The following NOX5 variants were observed in gnomAD, a reference collection of about 807,000 sequenced individuals.
The protein encoded by NOX5 is NADPH oxidase 5.
In NOX5, 76 loss-of-function variants were observed where a neutral mutation model predicts 85.7. The ratio of observed to expected loss-of-function variants is 0.89; its 90% CI spans 0.74 to 1.07. The LOEUF is 1.07. Ranked by LOEUF, NOX5 falls within the 50% of genes least tolerant of loss-of-function variation. The probability of loss-of-function intolerance (pLI) is 0.00; values close to 1 mark genes in which losing one functional copy is unlikely to be tolerated. For synonymous variants in NOX5, 405 were observed against 401.4 expected, an observed-to-expected ratio of 1.01 and a Z score of -0.11; for missense variants, 973 against 999.5, an observed-to-expected ratio of 0.97 and a Z score of 0.36.
At chr15:69,033,424 G>A (rs1368726931) in intron 5 of NOX5, 147 bp downstream of exon 5, 1 of 856,824 alleles carries the variant, frequency 1.2e-6, no homozygotes, top group Non-Finnish European at 1.8e-6. Flanking sequence ...CTCAGAGTTG[G>A]AGGACGCCGC....
chr15:69,045,555 T>TCTTTCTTTCTTC (rs2050656995), intron 10 of NOX5, among the ~76,000 whole-genome samples: 1 of 142,620 alleles, frequency 7.0e-6, no homozygotes, highest in African/African-American at 2.8e-5. Flanking sequence ...TTTCTTTCTT[T>TCTTTCTTTCTTC]CTTTCTTTCT....
Position 69,035,170 on chromosome 15 carries a change from G to C in NOX5, c.856-184G>C, listed in dbSNP as rs2050494607. On this transcript the variant is annotated intron_variant, in intron 5 of 15. Coordinates refer to ENST00000388866, the MANE Select transcript of NOX5 (RefSeq NM_024505.4). ...TTTCTCTTCCCGCCACAATTCTGGA[G>C]ATCCTCCTCTAGAGACCCCAGGTAT... 2.6e-5 allele frequency among the ~76,000 whole-genome samples: 4 copies of C among 152,218 alleles called. 1 individual carries two copies. The South Asian group carries it at 8.3e-4, about 31-fold the overall frequency.
intron 1 of NOX5, chr15:69,023,283 G>T: frequency 4.1e-6 from 1 of 241,336 alleles, no homozygotes; most frequent in East Asian, 1.4e-4. Flanking sequence ...ACTCTCAGAG[G>T]GTAAGAAAAA....
chr15:69,046,967 C>A, intron 11 of NOX5, 101 bp downstream of exon 11: 2 of 1,242,510 alleles, frequency 1.6e-6, no homozygotes, highest in Non-Finnish European at 2.3e-6. Flanking sequence ...TGTGGGTACT[C>A]AAGCTCCTCA....
chr15:69,041,942 C>T (rs1331636051), intron 9 of NOX5, among the ~76,000 whole-genome samples: 1 of 151,558 alleles, frequency 6.6e-6, no homozygotes, highest in Non-Finnish European at 1.5e-5. Flanking sequence ...CAAGACAATT[C>T]TTGTACTCCC....
intron 4 of NOX5, among the ~76,000 whole-genome samples, chr15:69,032,285 C>T (rs1202854442): frequency 6.6e-6 from 1 of 152,084 alleles, no homozygotes; most frequent in Non-Finnish European, 1.5e-5. Flanking sequence ...AACACACAAA[C>T]TAGAGAAGCA....
intron 4 of NOX5, among the ~76,000 whole-genome samples, chr15:69,032,238 C>G (rs546903478): frequency 2.0e-5 from 3 of 152,266 alleles, no homozygotes; most frequent in South Asian, 4.1e-4. Flanking sequence ...TGCTGGGGCT[C>G]CATTCCAGAC....
intron 12 of NOX5, 38 bp from the exon 13 acceptor site, chr15:69,047,792 C>T (rs371792346): frequency 2.9e-5 from 47 of 1,608,366 alleles, no homozygotes; most frequent in Non-Finnish European, 3.7e-5. Context: ...AAAAGTCTCA[C>T]CCCAAATTTA....
intron 2 of NOX5, 113 bp from the exon 3 acceptor site, chr15:69,028,102 A>T: frequency 6.0e-6 from 7 of 1,166,684 alleles, no homozygotes; most frequent in Non-Finnish European, 8.4e-6. Flanking sequence ...GAATACCGCC[A>T]CTCTGTGGTG....
Position 69,055,885 on chromosome 15 carries a change from CTTTTA to C in NOX5, c.2166+394_2166+398del, listed in dbSNP as rs1483978218. 7.9e-5 allele frequency among the ~76,000 whole-genome samples: 12 copies of C among 152,154 alleles called. No individual in the cohort carries two copies. In the South Asian group the frequency reaches 1.9e-3, roughly 24 times the overall value. On this transcript the variant is annotated intron_variant, in intron 15 of 15. Transcript: ENST00000388866. ...CAGAGACATGAAATCGTTTGCAATC[CTTTTA>C]TTTTATTTCTCAGATTGGTTTTATT...
chr15:69,023,529 G>T (rs898028077), intron 1 of NOX5: 5 of 323,696 alleles, frequency 1.5e-5, no homozygotes, highest in African/African-American at 9.0e-5. Context: ...TGTTTCAGCA[G>T]TGTGTCGGTC....
Position 69,056,773 on chromosome 15 carries a change from G to C in NOX5, c.*77G>C. ...GCATTAGTATAAATGCCCCCACAGG[G>C]ACCAGCCTCAGATGACCCACCCAAT... On this transcript the variant is annotated 3_prime_UTR_variant, in exon 16 of 16. Coordinates refer to ENST00000388866, the MANE Select transcript of NOX5 (RefSeq NM_024505.4). 1 of 1,553,898 alleles carries C rather than the reference G, an allele frequency of 6.4e-7. No individual in the cohort carries two copies. Among genetic ancestry groups the C allele is most frequent in the Non-Finnish European group, 8.7e-7 (1 of 1,150,440 alleles).
intron 4 of NOX5, 100 bp downstream of exon 4, chr15:69,031,912 C>T: frequency 3.3e-6 from 4 of 1,222,178 alleles, no homozygotes; most frequent in Non-Finnish European, 4.5e-6. Context: ...TGCCCTACCC[C>T]GCCCTGCCCC....
intron 1 of NOX5, among the ~76,000 whole-genome samples, chr15:69,025,382 CA>C (rs1173097972): frequency 6.6e-6 from 1 of 152,112 alleles, no homozygotes; most frequent in Non-Finnish European, 1.5e-5. Context: ...AAAACACCAA[CA>C]AAAAGCACAA....
At chr15:69,041,273 A>G (rs2050591450) in intron 9 of NOX5, among the ~76,000 whole-genome samples, 1 of 152,198 alleles carries the variant, frequency 6.6e-6, no homozygotes. Context: ...GAAACCTCAG[A>G]GAGGTGGATG....
chr15:69,028,336 A>G lies in NOX5; in HGVS notation c.296A>G (p.Lys99Arg). The G allele has an allele frequency of 6.2e-7, 1 of 1,610,620 alleles. No homozygotes were observed. The highest frequency in any genetic ancestry group is 8.5e-7 in the Non-Finnish European group (1 of 1,178,278). The change falls in exon 3 of 16, where the codon AAA becomes AGA. Residue 99 changes from lysine (K) to arginine (R), a missense_variant. Physicochemically the swap from Lys to Arg is conservative, Grantham distance 26. Transcript: ENST00000388866. ...CATGGCAGCCCCATGGACAAACTCA[A>G]ATTCCTCTTCCAGGTGTATGACATC... ...LIHGSPMDKL[K>R]FLFQVYDIDV...
In NOX5 at chr15:69,033,701, C is replaced by CTT. The variant is rs570603838; in HGVS notation, c.855+439_855+440dup. Among the ~76,000 whole-genome samples the CTT allele has an allele frequency of 6.8e-3, 815 of 119,276 alleles. 21 individuals are homozygous for CTT. Among genetic ancestry groups the CTT allele is most frequent in the African/African-American group, 0.023 (705 of 31,020 alleles). 78.2% of individuals were successfully genotyped at this position (119,276 alleles called of 152,430 possible). On this transcript the variant is annotated intron_variant, in intron 5 of 15. Coordinates refer to ENST00000388866, the MANE Select transcript of NOX5 (RefSeq NM_024505.4). ...GTTTTTTTTTTTCTTTCTTTTTTTTCTTTTTTTTTTTTTTTTGAGACGGAA... is the reference window on the plus strand; with the variant it reads ...GTTTTTTTTTTTCTTTCTTTTTTTTCTTTTTTTTTTTTTTTTTTGAGACGGAA...
chr15:69,055,671 T>C (rs1287323440), intron 15 of NOX5, among the ~76,000 whole-genome samples, 171 bp downstream of exon 15: 4 of 152,086 alleles, frequency 2.6e-5, no homozygotes, highest in Admixed American at 6.5e-5. Context: ...ACTGGCTTTA[T>C]CACTAACCTT....
At chr15:69,034,987 A>G (rs772083273) in intron 5 of NOX5, among the ~76,000 whole-genome samples, 18 of 152,078 alleles carry the variant, frequency 1.2e-4, no homozygotes, top group Non-Finnish European at 2.4e-4. Flanking sequence ...GCTGGTCTCA[A>G]ACTCCTAGGC....
Sources: allele counts gnomAD v4.1 joint callset (sites outside exome capture counted in the v4.1 genomes callset), GRCh38; gene constraint gnomAD v4.1.1; transcripts MANE v1.5; gene names NCBI Gene and HGNC (gene_info 2026-07-23, HGNC 2026-07-21).